The following FUT8 variants were observed in gnomAD, a reference collection of about 807,000 sequenced individuals.
The protein encoded by FUT8 is alpha-(1,6)-fucosyltransferase.
A neutral mutation model predicts 71.3 loss-of-function variants in FUT8; 29 were observed. The observed-to-expected ratio is 0.41, with a 90% CI of 0.30 to 0.55. The LOEUF (loss-of-function observed/expected upper bound fraction) is 0.55. Among genes scored for constraint, FUT8 ranks in the 20% least tolerant of loss-of-function variants. FUT8 has a pLI of 0.34. For missense variants in FUT8, 544 were observed against 702.1 expected, an observed-to-expected ratio of 0.77 and a Z score of 2.55; for synonymous variants, 254 against 239.3, an observed-to-expected ratio of 1.06 and a Z score of -0.57.
chr14:65,671,900 G>C (rs1326671680), intron 7 of FUT8, among the ~76,000 whole-genome samples: 2 of 152,128 alleles, frequency 1.3e-5, no homozygotes, highest in Non-Finnish European at 2.9e-5. Context: ...TAAATCAGCT[G>C]TGTCTGTTGT....
chr14:65,460,030 T>G (rs4899179), intron 2 of FUT8, among the ~76,000 whole-genome samples: 53,556 of 152,066 alleles, frequency 0.35, 11,677 homozygotes, highest in Non-Finnish European at 0.49. Context: ...TGAAGTGGTT[T>G]TAGTTTATAC....
intron 2 of FUT8, among the ~76,000 whole-genome samples, chr14:65,503,028 G>A (rs1457791697): frequency 6.6e-6 from 1 of 152,178 alleles, no homozygotes; most frequent in Admixed American, 6.5e-5. Flanking sequence ...AGTGGTGAGT[G>A]ATCATAAAGT....
intron 2 of FUT8, among the ~76,000 whole-genome samples, chr14:65,528,296 G>C (rs1448866753): frequency 2.0e-5 from 3 of 152,212 alleles, no homozygotes; most frequent in Non-Finnish European, 4.4e-5. Flanking sequence ...TTCGATCTCA[G>C]ACTGCTGTGC....
At chr14:65,623,186 C>G (rs913107452) in intron 5 of FUT8, among the ~76,000 whole-genome samples, 6 of 152,142 alleles carry the variant, frequency 3.9e-5, no homozygotes, top group Non-Finnish European at 8.8e-5. Flanking sequence ...CCACCACGCC[C>G]GACCAAACTT....
At chr14:65,510,458 G>A (rs1882259505) in intron 2 of FUT8, among the ~76,000 whole-genome samples, 1 of 152,088 alleles carries the variant, frequency 6.6e-6, no homozygotes, top group African/African-American at 2.4e-5. Flanking sequence ...GAGTTTGGAA[G>A]TATTCCCCCT....
At chr14:65,506,293 C>T (rs1407913793) in intron 2 of FUT8, among the ~76,000 whole-genome samples, 2 of 152,042 alleles carry the variant, frequency 1.3e-5, no homozygotes, top group African/African-American at 4.8e-5. Context: ...AGTAATAAGC[C>T]ATTTTTCAGT....
chr14:65,693,368 G>A (rs1029314518), intron 7 of FUT8, among the ~76,000 whole-genome samples: 5 of 152,252 alleles, frequency 3.3e-5, no homozygotes, highest in East Asian at 3.8e-4. Flanking sequence ...CCAGTCAGGC[G>A]TGGCGGCGCG....
intron 3 of FUT8, among the ~76,000 whole-genome samples, chr14:65,605,454 G>GGCAC (rs1336785814): frequency 5.3e-5 from 8 of 151,890 alleles, no homozygotes; most frequent in African/African-American, 1.9e-4. Flanking sequence ...CATTAAGGTG[G>GGCAC]ACCCTAATCC....
intron 6 of FUT8, among the ~76,000 whole-genome samples, chr14:65,632,222 C>T (rs1890224521): frequency 6.6e-6 from 1 of 152,098 alleles, no homozygotes; most frequent in Admixed American, 6.5e-5. Context: ...GTAACGACTC[C>T]TTTTACTGGG....
rs181711604 is a variant in FUT8, at chr14:65,539,641, A to C, written c.-227-21696A>C. 5.9e-4 allele frequency among the ~76,000 whole-genome samples: 90 copies of C among 152,304 alleles called. 1 individual carries two copies. The highest frequency in any genetic ancestry group is 1.5e-3 in the African/African-American group (64 of 41,578). On this transcript the variant is annotated intron_variant, in intron 2 of 10. Coordinates refer to ENST00000673929, the MANE Select transcript of FUT8 (RefSeq NM_001371533.1). ...CTAATAGAGATAATAGAGAATGTTT[A>C]TTGAGTGTTTACTATGTGCCAGATT...
intron 7 of FUT8, among the ~76,000 whole-genome samples, chr14:65,707,164 C>G (rs1050099089): frequency 6.6e-6 from 1 of 152,130 alleles, no homozygotes; most frequent in African/African-American, 2.4e-5. Flanking sequence ...ACATCCTCGC[C>G]ACCACTTATT....
chr14:65,611,581 A>G (rs1033948204), intron 3 of FUT8, among the ~76,000 whole-genome samples: 2 of 151,750 alleles, frequency 1.3e-5, no homozygotes, highest in Non-Finnish European at 2.9e-5. Context: ...AGTAAATCTC[A>G]TTCTTTATAT....
intron 7 of FUT8, among the ~76,000 whole-genome samples, chr14:65,695,665 T>C (rs1004685652): frequency 6.6e-6 from 1 of 152,074 alleles, no homozygotes; most frequent in African/African-American, 2.4e-5. Flanking sequence ...ATATAGTTGG[T>C]CTTCTTTTTT....
intron 3 of FUT8, among the ~76,000 whole-genome samples, chr14:65,600,858 C>T (rs779789524): frequency 2.4e-4 from 37 of 152,220 alleles, no homozygotes; most frequent in Middle Eastern, 3.4e-3. Context: ...TACATTTTCT[C>T]CAAATTGCCT....
At chr14:65,591,307 G>A (rs1473571150) in intron 3 of FUT8, among the ~76,000 whole-genome samples, 2 of 152,122 alleles carry the variant, frequency 1.3e-5, no homozygotes, top group African/African-American at 2.4e-5. Flanking sequence ...AAGGCAAAAA[G>A]CAGTTGTTCA....
chr14:65,709,655 C>T (rs1264609360), intron 7 of FUT8, among the ~76,000 whole-genome samples: 1 of 152,064 alleles, frequency 6.6e-6, no homozygotes, highest in Non-Finnish European at 1.5e-5. Context: ...TCTACAGAAG[C>T]GAAATTAATT....
chr14:65,706,639 C>CT (rs1382946271), intron 7 of FUT8, among the ~76,000 whole-genome samples: 3 of 152,092 alleles, frequency 2.0e-5, no homozygotes, highest in Admixed American at 6.6e-5. Flanking sequence ...ATGGGTGATA[C>CT]TTTTTTGCTG....
chr14:65,525,183 C>T (rs191050866), intron 2 of FUT8, among the ~76,000 whole-genome samples: 46 of 151,938 alleles, frequency 3.0e-4, no homozygotes, highest in East Asian at 5.8e-4. Context: ...GTTGTGAATC[C>T]GTCTGGTCCT....
intron 1 of FUT8, among the ~76,000 whole-genome samples, chr14:65,430,552 G>A (rs1048105349): frequency 9.2e-5 from 14 of 152,052 alleles, no homozygotes; most frequent in African/African-American, 2.4e-4. Context: ...ATGAGCAGCC[G>A]TCAGAAGATA....
Sources: allele counts gnomAD v4.1 joint callset (sites outside exome capture counted in the v4.1 genomes callset), GRCh38; gene constraint gnomAD v4.1.1; transcripts MANE v1.5; gene names NCBI Gene and HGNC (gene_info 2026-07-23, HGNC 2026-07-21).